The following FBXW4 variants were observed in gnomAD, a reference collection of about 807,000 sequenced individuals.
The protein encoded by FBXW4 is F-box and WD repeat domain containing 4.
In FBXW4, 40 loss-of-function variants were observed where a neutral mutation model predicts 61.8. The ratio of observed to expected loss-of-function variants is 0.65; its 90% CI spans 0.50 to 0.84. FBXW4 has a LOEUF of 0.84. FBXW4 is among the 40% of genes least tolerant of loss of function. FBXW4 has a pLI of 0.00. For missense variants in FBXW4, 672 were observed against 753.8 expected (o/e 0.89, Z 1.27); for synonymous variants, 311 against 313.8 (o/e 0.99, Z 0.10).
chr10:101,676,067 T>C (rs1042440405), intron 2 of FBXW4, among the ~76,000 whole-genome samples: 1 of 152,224 alleles, frequency 6.6e-6, no homozygotes, highest in African/African-American at 2.4e-5. Flanking sequence ...TTTATTTTCT[T>C]CTTTAGAATT....
chr10:101,674,920 T>C (rs1227628865), intron 2 of FBXW4, among the ~76,000 whole-genome samples: 1 of 152,158 alleles, frequency 6.6e-6, no homozygotes, highest in Non-Finnish European at 1.5e-5. Flanking sequence ...CTATTCTACA[T>C]AGGGGTTCTG....
intron 5 of FBXW4, among the ~76,000 whole-genome samples, chr10:101,653,947 C>T (rs1176318067): frequency 1.3e-5 from 2 of 151,770 alleles, no homozygotes; most frequent in African/African-American, 4.8e-5. Flanking sequence ...ATGGTCAAAC[C>T]CCATCTCTAC....
At chr10:101,647,056 G>C (rs895961464) in intron 5 of FBXW4, among the ~76,000 whole-genome samples, 4 of 152,188 alleles carry the variant, frequency 2.6e-5, no homozygotes, top group Non-Finnish European at 5.9e-5. Flanking sequence ...AGTTCCCCAA[G>C]TCTTCACACA....
At chr10:101,621,352 C>A (rs1028224267) in intron 6 of FBXW4, among the ~76,000 whole-genome samples, 1 of 152,192 alleles carries the variant, frequency 6.6e-6, no homozygotes, top group Non-Finnish European at 1.5e-5. Flanking sequence ...CATAGCGAGA[C>A]CTTGTCTCTA....
chr10:101,656,777 A>C (rs1349664040), intron 5 of FBXW4, among the ~76,000 whole-genome samples: 1 of 152,194 alleles, frequency 6.6e-6, no homozygotes, highest in African/African-American at 2.4e-5. Context: ...TGGGGGTGGG[A>C]AGGTCACAGC....
At position 101,673,785 on chromosome 10, in the gene FBXW4, G is replaced by A. The variant is rs533295875; in HGVS notation, c.822-112C>T. ...CAACTTAGTAAGGATAACCAACAAGGCTTATTATCTATACTTGATACCCTC... is the reference window on the plus strand; with the variant it reads ...CAACTTAGTAAGGATAACCAACAAGACTTATTATCTATACTTGATACCCTC... On this transcript the variant is annotated intron_variant, in intron 2 of 8. Transcript: ENST00000331272. The A allele has an allele frequency of 4.1e-6, 4 of 985,522 alleles. No individual in the cohort carries two copies. The South Asian group carries it at 5.0e-5, about 12-fold the overall frequency. 61.0% of individuals were successfully genotyped at this position (985,522 alleles called of 1,614,324 possible). A position where few individuals can be genotyped will look rare whatever the true frequency, so the allele number is the denominator to read the frequency against.
chr10:101,611,096 G>C lies in FBXW4; in HGVS notation c.*195C>G, dbSNP rs2063777526. 1.6e-6 allele frequency: 1 copy of C among 627,100 alleles called. No homozygotes were observed. Among genetic ancestry groups the C allele is most frequent in the Non-Finnish European group, 2.6e-6 (1 of 378,422 alleles). The allele number at this position is 627,100 out of a possible 1,614,324, so 38.8% of individuals were successfully genotyped here. A position where few individuals can be genotyped will look rare whatever the true frequency, so the allele number is the denominator to read the frequency against. On this transcript the variant is annotated 3_prime_UTR_variant, in exon 9 of 9. Coordinates refer to ENST00000331272, the MANE Select transcript of FBXW4 (RefSeq NM_022039.4). The surrounding 1 kb of genome is among the most constrained non-coding windows in gnomAD (Gnocchi z 4.9). Reference sequence around the variant, plus strand: ...GGTCCTGCCTCTCCAACAGGTTCCTGGGAGGGACTGCATCTCTGGTAAGCT... The same window carrying C: ...GGTCCTGCCTCTCCAACAGGTTCCTCGGAGGGACTGCATCTCTGGTAAGCT...
chr10:101,614,834 CCA>C (rs2063813888), intron 6 of FBXW4, among the ~76,000 whole-genome samples: 1 of 152,140 alleles, frequency 6.6e-6, no homozygotes, highest in Admixed American at 6.5e-5. Flanking sequence ...CCCAGCAGTG[CCA>C]CAGGAGCCCT....
intron 6 of FBXW4, among the ~76,000 whole-genome samples, chr10:101,613,936 G>A (rs1020532296): frequency 2.6e-5 from 4 of 152,194 alleles, no homozygotes; most frequent in African/African-American, 7.2e-5. Flanking sequence ...TCTGTCTGTT[G>A]GGGGGCTCCT....
chr10:101,693,527 T>C (rs1399094318), intron 1 of FBXW4, among the ~76,000 whole-genome samples: 2 of 152,190 alleles, frequency 1.3e-5, no homozygotes. Flanking sequence ...ATGAAAATAA[T>C]TGTCTAGAGG....
At position 101,694,930 on chromosome 10, in the gene FBXW4, T is replaced by C. The variant is rs960823069; in HGVS notation, c.176A>G (p.Lys59Arg). The C allele has an allele frequency of 1.4e-5, 17 of 1,233,098 alleles. No homozygotes were observed. In the African/African-American group the frequency reaches 2.3e-4, roughly 17 times the overall value. 76.4% of individuals were successfully genotyped at this position (1,233,098 alleles called of 1,614,324 possible). The change falls in exon 1 of 9, where the codon AAG (lysine) becomes AGG (arginine). Residue 59 changes from lysine to arginine, a missense_variant. Around this residue, in one of 5 missense-constraint regions of FBXW4, gnomAD observed 311 missense variants for 301.1 expected, o/e 1.03. Coordinates refer to ENST00000331272, the MANE Select transcript of FBXW4 (RefSeq NM_022039.4). This position sits in a 1 kb window ranked among gnomAD's most constrained non-coding sequence, Gnocchi z 6.0. ...CTCCTTCGCCGTCTGCGGCCCGGGC[T>C]TCCCTTCCGCCCCGCTTCCTCTTCC... ...QGGRGSGAEGKPGPQTAKEAA... is the reference protein window; with the variant it reads ...QGGRGSGAEGRPGPQTAKEAA...
rs2064663549 is a variant in FBXW4, at chr10:101,695,146, G to GCCGCCA, written c.-47_-42dup. On this transcript the variant is annotated 5_prime_UTR_variant, in exon 1 of 9. Coordinates refer to ENST00000331272, the MANE Select transcript of FBXW4 (RefSeq NM_022039.4). The surrounding 1 kb of genome is among the most constrained non-coding windows in gnomAD (Gnocchi z 4.2). ...CGGCCCGACGCGGAGCCCAGCCCGAGCCGCCACCGCCGCCGCCCCGGGAGG... is the reference window on the plus strand; with the variant it reads ...CGGCCCGACGCGGAGCCCAGCCCGAGCCGCCACCGCCACCGCCGCCGCCCCGGGAGG... 2 of 985,016 alleles carry GCCGCCA rather than the reference G, an allele frequency of 2.0e-6. No homozygotes were observed. Among genetic ancestry groups the GCCGCCA allele is most frequent in the South Asian group, 4.7e-5 (1 of 21,320 alleles). The allele number at this position is 985,016 out of a possible 1,614,324, so 61.0% of individuals were successfully genotyped here. A position where few individuals can be genotyped will look rare whatever the true frequency, so the allele number is the denominator to read the frequency against.
chr10:101,617,902 A>G (rs911209249), intron 6 of FBXW4, among the ~76,000 whole-genome samples: 4 of 152,218 alleles, frequency 2.6e-5, no homozygotes, highest in Non-Finnish European at 5.9e-5. Flanking sequence ...AAAAAAGAGA[A>G]TGAAAAAAAG....
At chr10:101,677,486 T>C (rs2064425823) in intron 1 of FBXW4, among the ~76,000 whole-genome samples, 1 of 152,090 alleles carries the variant, frequency 6.6e-6, no homozygotes, top group Admixed American at 6.5e-5. Flanking sequence ...TAACCTATGA[T>C]GAAAAAATCA....
intron 1 of FBXW4, among the ~76,000 whole-genome samples, chr10:101,681,395 A>AT (rs1554934339): frequency 1.2e-4 from 16 of 133,052 alleles, no homozygotes; most frequent in African/African-American, 1.2e-4. Flanking sequence ...TCTCAAAAAA[A>AT]AAAAATAATA....
At chr10:101,638,365 A>G (rs1486583937) in intron 5 of FBXW4, among the ~76,000 whole-genome samples, 1 of 152,128 alleles carries the variant, frequency 6.6e-6, no homozygotes, top group African/African-American at 2.4e-5. Context: ...ACAAATGTAT[A>G]ATGTGAGCCT....
At chr10:101,667,537 G>A (rs186512810) in intron 5 of FBXW4, among the ~76,000 whole-genome samples, 2 of 152,266 alleles carry the variant, frequency 1.3e-5, no homozygotes, top group African/African-American at 4.8e-5. Flanking sequence ...TCACCTCCGA[G>A]AGGTGGTGAG....
chr10:101,625,678 AC>A (rs1418380496), intron 5 of FBXW4: 2 of 152,248 alleles, frequency 1.3e-5, no homozygotes, highest in Non-Finnish European at 2.9e-5. Context: ...TATGAGCCAG[AC>A]AACTCTTGTT....
chr10:101,627,132 C>T (rs1037802994), intron 5 of FBXW4, among the ~76,000 whole-genome samples: 3 of 151,280 alleles, frequency 2.0e-5, no homozygotes, highest in African/African-American at 7.3e-5. Flanking sequence ...CAAGTTGATC[C>T]ACCTGCCTCA....
Sources: gnomAD v4.1 joint callset for allele counts (sites outside exome capture counted in the v4.1 genomes callset) on GRCh38, gnomAD v4.1.1 for gene constraint, gnomAD v4.1.1 regional missense constraint, Gnocchi (gnomAD v3.1) non-coding constraint, MANE v1.5 for transcripts, NCBI Gene and HGNC (gene_info 2026-07-23, HGNC 2026-07-21) for gene names.